Variants in VWA8 observed in about 807,000 individuals in gnomAD.
VWA8 encodes von Willebrand factor A domain-containing protein 8.
A neutral mutation model predicts 241.5 loss-of-function variants in VWA8; 221 were observed. That is an observed-to-expected ratio of 0.91 (90% CI 0.82 to 1.02). VWA8 has a LOEUF of 1.02. VWA8 is among the 50% of genes least tolerant of loss of function. The pLI is 0.00. For missense variants in VWA8, 2,322 were observed against 2,328.7 expected (o/e 1.00, Z 0.06); for synonymous variants, 852 against 827.1 (o/e 1.03, Z -0.52).
intron 2 of VWA8, among the ~76,000 whole-genome samples, chr13:41,944,720 C>T (rs1877769268): frequency 6.6e-6 from 1 of 152,210 alleles, no homozygotes; most frequent in Admixed American, 6.5e-5. Flanking sequence ...ATTATCCCTA[C>T]TTGACCTGTC....
intron 3 of VWA8, among the ~76,000 whole-genome samples, chr13:41,910,017 G>A (rs2138111358): frequency 6.6e-6 from 1 of 152,258 alleles, no homozygotes; most frequent in Non-Finnish European, 1.5e-5. Context: ...CTGCAAGGAG[G>A]CTTAAGCTAG....
intron 37 of VWA8, among the ~76,000 whole-genome samples, chr13:41,662,776 A>T (rs1182259550): frequency 6.6e-6 from 1 of 152,162 alleles, no homozygotes; most frequent in East Asian, 1.9e-4. Flanking sequence ...GATGTTGAAT[A>T]GGAATGGTGA....
chr13:41,689,299 G>A (rs1396510174), intron 34 of VWA8, 55 bp downstream of exon 34: 6 of 1,552,360 alleles, frequency 3.9e-6, no homozygotes, highest in Non-Finnish European at 5.2e-6. Flanking sequence ...ACAGATTATA[G>A]GTCAAACTAA....
chr13:41,687,016 A>T (rs1050408727), intron 34 of VWA8, among the ~76,000 whole-genome samples: 4 of 152,130 alleles, frequency 2.6e-5, no homozygotes, highest in African/African-American at 9.7e-5. Flanking sequence ...ACACTGGCCT[A>T]CTATTTGCTC....
Position 41,690,237 on chromosome 13 carries a change from T to A in VWA8, c.3905A>T (p.Glu1302Val). 1 of 1,612,602 alleles carries A rather than the reference T, an allele frequency of 6.2e-7. No homozygotes were observed. Among genetic ancestry groups the A allele is most frequent in the Non-Finnish European group, 8.5e-7 (1 of 1,179,002 alleles). ...LLTKPAHIESEGSGVCQLYVL... is the reference protein window; with the variant it reads ...LLTKPAHIESVGSGVCQLYVL... Reference sequence around the variant, plus strand: ...ATACAACTGGCAAACCCCACTACCCTCAGATTCGATGTGTGCAGGCTTAGT... The same window carrying A: ...ATACAACTGGCAAACCCCACTACCCACAGATTCGATGTGTGCAGGCTTAGT... The change falls in exon 33 of 45, where the codon GAG becomes GTG. Residue 1302 changes from glutamate to valine, a missense_variant. Coordinates refer to ENST00000379310, the MANE Select transcript of VWA8 (RefSeq NM_015058.2).
At chr13:41,629,899 G>A (rs1219768717) in intron 37 of VWA8, among the ~76,000 whole-genome samples, 2 of 152,110 alleles carry the variant, frequency 1.3e-5, no homozygotes, top group Admixed American at 1.3e-4. Context: ...ATGACCCTCT[G>A]CCCTCTTTAA....
chr13:41,704,645 T>C (rs2045271530), intron 26 of VWA8, among the ~76,000 whole-genome samples: 1 of 151,958 alleles, frequency 6.6e-6, no homozygotes, highest in African/African-American at 2.4e-5. Flanking sequence ...TATTTTTTAT[T>C]TTTAGTAGAA....
At chr13:41,710,994 G>C (rs1169421904) in intron 26 of VWA8, among the ~76,000 whole-genome samples, 1 of 152,146 alleles carries the variant, frequency 6.6e-6, no homozygotes, top group Non-Finnish European at 1.5e-5. Context: ...CCTTTCAAGG[G>C]CAAATTCAAA....
chr13:41,912,428 T>C (rs923582569), intron 2 of VWA8, among the ~76,000 whole-genome samples: 2 of 152,144 alleles, frequency 1.3e-5, no homozygotes, highest in African/African-American at 4.8e-5. Flanking sequence ...ATTAAGTTTA[T>C]AATATCACAA....
At chr13:41,881,833 G>C (rs537486873) in intron 9 of VWA8, among the ~76,000 whole-genome samples, 1 of 146,304 alleles carries the variant, frequency 6.8e-6, no homozygotes, top group African/African-American at 2.5e-5. Flanking sequence ...CCTCCCGGAC[G>C]GGGCGGCTGG....
intron 22 of VWA8, among the ~76,000 whole-genome samples, chr13:41,730,883 AT>A (rs1186041666): frequency 6.6e-6 from 1 of 151,820 alleles, no homozygotes; most frequent in East Asian, 1.9e-4. Flanking sequence ...CTTATAAGAA[AT>A]TTCTTTTTTA....
chr13:41,855,899 T>C (rs543667280), intron 12 of VWA8, among the ~76,000 whole-genome samples: 9 of 152,350 alleles, frequency 5.9e-5, no homozygotes, highest in African/African-American at 1.9e-4. Context: ...GCTTTTCTAC[T>C]ATAATAGCAG....
At chr13:41,732,843 A>G (rs1290931456) in intron 21 of VWA8, among the ~76,000 whole-genome samples, 1 of 152,246 alleles carries the variant, frequency 6.6e-6, no homozygotes, top group Non-Finnish European at 1.5e-5. Context: ...GAGATGTAAC[A>G]TTCACATCAA....
chr13:41,850,739 T>C (rs1165808124), intron 12 of VWA8, among the ~76,000 whole-genome samples: 1 of 152,160 alleles, frequency 6.6e-6, no homozygotes, highest in Non-Finnish European at 1.5e-5. Flanking sequence ...CTATAAAGAC[T>C]GGATGTCCAC....
chr13:41,816,175 A>G (rs1313214356), intron 16 of VWA8, among the ~76,000 whole-genome samples: 1 of 152,242 alleles, frequency 6.6e-6, no homozygotes, highest in African/African-American at 2.4e-5. Flanking sequence ...TTCTTTACAC[A>G]CATTTTTATG....
At chr13:41,870,676 T>G (rs1873556703) in intron 9 of VWA8, among the ~76,000 whole-genome samples, 1 of 151,306 alleles carries the variant, frequency 6.6e-6, no homozygotes, top group South Asian at 2.1e-4. Context: ...GAACGAAGAT[T>G]CATTAAATTC....
intron 37 of VWA8, among the ~76,000 whole-genome samples, chr13:41,651,493 C>T (rs1287164750): frequency 2.6e-5 from 4 of 152,108 alleles, no homozygotes; most frequent in African/African-American, 9.7e-5. Flanking sequence ...TAAAAAGCCA[C>T]GTAGTAAATA....
intron 37 of VWA8, among the ~76,000 whole-genome samples, chr13:41,629,824 T>C (rs1249417498): frequency 6.6e-6 from 1 of 152,214 alleles, no homozygotes; most frequent in Non-Finnish European, 1.5e-5. Context: ...GGCAAAGCCA[T>C]TAAGTATGCA....
intron 4 of VWA8, among the ~76,000 whole-genome samples, chr13:41,904,354 C>G (rs1388539318): frequency 1.3e-5 from 2 of 152,048 alleles, no homozygotes; most frequent in African/African-American, 4.8e-5. Context: ...TAAATCCATA[C>G]TCTACCAAAC....
Sources: allele counts gnomAD v4.1 joint callset (sites outside exome capture counted in the v4.1 genomes callset), GRCh38; gene constraint gnomAD v4.1.1; transcripts MANE v1.5; gene names NCBI Gene and HGNC (gene_info 2026-07-23, HGNC 2026-07-21).